Variants in VCF2 observed in about 807,000 individuals in gnomAD.
VCF2 encodes VCP nuclear cofactor family member 2, also known as protein VCF2.
chrX:55,153,142 G>A, the VCF2 span, among the ~76,000 whole-genome samples: 2 of 111,135 alleles, frequency 1.8e-5, no homozygotes, highest in East Asian at 5.6e-4. Context: ...ATGTATAAAA[G>A]CAAGCTATAC....
chrX:55,147,645 T>TG, the VCF2 span, among the ~76,000 whole-genome samples: 1 of 97,526 alleles, frequency 1.0e-5, no homozygotes, highest in Non-Finnish European at 2.1e-5. Flanking sequence ...TTTTTTTTTT[T>TG]TTTTTTTTTT....
chrX:55,160,281 G>T, the VCF2 span, among the ~76,000 whole-genome samples: 2 of 112,454 alleles, frequency 1.8e-5, no homozygotes, highest in Non-Finnish European at 3.8e-5. Flanking sequence ...CCTTCATTAG[G>T]GAGCATGGTG....
the VCF2 span, among the ~76,000 whole-genome samples, chrX:55,155,805 A>T: frequency 9.0e-6 from 1 of 111,545 alleles, no homozygotes; most frequent in Non-Finnish European, 1.9e-5. Context: ...AACTGAGGAG[A>T]TGAGGAGGAA....
At chrX:55,153,884 T>C in the VCF2 span, among the ~76,000 whole-genome samples, 1 of 111,604 alleles carries the variant, frequency 9.0e-6, no homozygotes, top group Non-Finnish European at 1.9e-5. Flanking sequence ...GTAAAGAGCA[T>C]CTACAAAGTC....
At chrX:55,153,776 A>G in the VCF2 span, among the ~76,000 whole-genome samples, 1 of 112,310 alleles carries the variant, frequency 8.9e-6, no homozygotes, top group Non-Finnish European at 1.9e-5. Context: ...TCTCCTGCTT[A>G]TGGATTCAGT....
chrX:55,144,295 T>C, the VCF2 span, among the ~76,000 whole-genome samples: 3 of 111,587 alleles, frequency 2.7e-5, no homozygotes, highest in South Asian at 3.8e-4. Flanking sequence ...TAGTACTTAG[T>C]TGCTCACTTT....
At chrX:55,150,372 C>G in the VCF2 span, among the ~76,000 whole-genome samples, 106 of 111,309 alleles carry the variant, frequency 9.5e-4, no homozygotes, top group Non-Finnish European at 1.8e-3. Flanking sequence ...TCATAAGGAA[C>G]ACACAGCCTA....
the VCF2 span, among the ~76,000 whole-genome samples, chrX:55,148,531 T>C: frequency 9.1e-6 from 1 of 110,259 alleles, no homozygotes; most frequent in African/African-American, 3.3e-5. Flanking sequence ...GAAAATAATT[T>C]TATATGAGAA....
the VCF2 span, among the ~76,000 whole-genome samples, chrX:55,146,737 T>C: frequency 8.9e-6 from 1 of 112,458 alleles, no homozygotes; most frequent in Non-Finnish European, 1.9e-5. Context: ...AGTTGGACTA[T>C]GGGTAAAAGT....
chrX:55,146,128 C>T, the VCF2 span: 32 of 1,209,079 alleles, frequency 2.6e-5, no homozygotes, highest in African/African-American at 5.1e-4. Context: ...TTGAAGTGAG[C>T]CTCCTTCAAG....
the VCF2 span, among the ~76,000 whole-genome samples, chrX:55,150,877 A>G: frequency 6.0e-3 from 668 of 111,749 alleles, 2 homozygotes; most frequent in Non-Finnish European, 8.7e-3. Flanking sequence ...TTAATTACCC[A>G]GATGAAACTA....
At chrX:55,143,888 G>C in the VCF2 span, 1 of 1,109,288 alleles carries the variant, frequency 9.0e-7, no homozygotes, top group Non-Finnish European at 1.2e-6. Flanking sequence ...GCAAAAGACA[G>C]GACAGAGATT....
At chrX:55,154,186 A>G in the VCF2 span, among the ~76,000 whole-genome samples, 1 of 111,681 alleles carries the variant, frequency 9.0e-6, no homozygotes, top group Non-Finnish European at 1.9e-5. Flanking sequence ...GCTGTGATGC[A>G]ATTGCAGCTC....
chrX:55,155,663 G>A, the VCF2 span, among the ~76,000 whole-genome samples: 1 of 111,516 alleles, frequency 9.0e-6, no homozygotes, highest in Non-Finnish European at 1.9e-5. Context: ...AAACAAAAGG[G>A]AGTGAATGCA....
the VCF2 span, among the ~76,000 whole-genome samples, chrX:55,150,757 T>C: frequency 1.2e-4 from 13 of 111,787 alleles, no homozygotes; most frequent in Middle Eastern, 9.2e-3. Context: ...CAGGTACTCT[T>C]GAATGCAGGC....
At chrX:55,149,576 G>A in the VCF2 span, among the ~76,000 whole-genome samples, 10 of 111,221 alleles carry the variant, frequency 9.0e-5, no homozygotes, top group Non-Finnish European at 1.3e-4. Flanking sequence ...AGATTGTAAC[G>A]GCCAATTTTG....
At chrX:55,158,330 T>A in the VCF2 span, among the ~76,000 whole-genome samples, 13 of 111,887 alleles carry the variant, frequency 1.2e-4, no homozygotes, top group Admixed American at 7.6e-4. Context: ...ATACAAGTTA[T>A]TAAAGTGAAG....
the VCF2 span, among the ~76,000 whole-genome samples, chrX:55,159,716 C>T: frequency 8.9e-6 from 1 of 112,148 alleles, no homozygotes; most frequent in Non-Finnish European, 1.9e-5. Flanking sequence ...TAGGCACTTA[C>T]TGTTGCTATA....
chrX:55,153,378 G>A, the VCF2 span, among the ~76,000 whole-genome samples: 2 of 94,208 alleles, frequency 2.1e-5, no homozygotes, highest in African/African-American at 4.0e-5. Flanking sequence ...TTTTTGAGAC[G>A]GAGTCTCGCT....
Sources: gnomAD v4.1 joint callset for allele counts (sites outside exome capture counted in the v4.1 genomes callset) on GRCh38, gnomAD v4.1.1 for gene constraint, MANE v1.5 for transcripts, NCBI Gene and HGNC (gene_info 2026-07-23, HGNC 2026-07-21) for gene names.